Variants in MSRB1 observed in about 807,000 individuals in gnomAD.
MSRB1 encodes methionine sulfoxide reductase B1.
A neutral mutation model predicts 15.2 loss-of-function variants in MSRB1; 13 were observed. The observed-to-expected ratio is 0.86, with a 90% CI of 0.56 to 1.36. MSRB1 has a LOEUF of 1.36. Among genes scored for constraint, MSRB1 ranks in the 40% most tolerant of loss-of-function variants. MSRB1 has a pLI of 0.00. For missense variants in MSRB1, 174 were observed against 155.9 expected (o/e 1.12, Z -0.62); for synonymous variants, 68 against 64.5 (o/e 1.05, Z -0.26).
rs549571660 is a variant in MSRB1 at position 1,940,669 on chromosome 16, T to G, written c.319+109A>C. 7.8e-5 allele frequency: 103 copies of G among 1,328,262 alleles called. 1 individual carries two copies. In the South Asian group the frequency reaches 1.0e-3, roughly 13 times the overall value. The allele number at this position is 1,328,262 out of a possible 1,614,324, so 82.3% of individuals were successfully genotyped here. A position where few individuals can be genotyped will look rare whatever the true frequency, so the allele number is the denominator to read the frequency against. ...TGGACAGTTCCCAGGCAGCGTGACT[T>G]GGTGGCCCCATACCTTGTCATGGTA... is the stretch of plus-strand genomic sequence containing the variant. On this transcript the variant is annotated intron_variant, in intron 3 of 3. Coordinates refer to ENST00000361871, the MANE Select transcript of MSRB1 (RefSeq NM_016332.4).
chr16:1,943,112 G>A lies in MSRB1; in HGVS notation c.45C>T (p.His15=). 6.4e-7 allele frequency: 1 copy of A among 1,560,478 alleles called. No individual in the cohort carries two copies. Among genetic ancestry groups the A allele is most frequent in the Middle Eastern group, 1.7e-4 (1 of 6,006 alleles). Residue 15 remains histidine, a synonymous_variant, in exon 1 of 4, where the codon CAC becomes CAT. Transcript: ENST00000361871. The part of the protein sequence containing the change: ...SFFGGEVFQN[H]FEPGVYVCAK... ...GGCCGCAGGACCAACCAGGTTCAAA[G>A]TGATTCTGGAAAACCTCGCCCCCGA...
chr16:1,940,629 C>A, intron 3 of MSRB1, 149 bp downstream of exon 3: 1 of 1,046,314 alleles, frequency 9.6e-7, no homozygotes. Flanking sequence ...CTGCAGCCAC[C>A]TTTCTGGGGG....
At chr16:1,942,817 C>T (rs570666468) in intron 1 of MSRB1, among the ~76,000 whole-genome samples, 10 of 152,274 alleles carry the variant, frequency 6.6e-5, no homozygotes, top group Admixed American at 3.3e-4. Context: ...CCCCACGTAT[C>T]CCGATCCCTT....
Position 1,941,334 on chromosome 16 carries a change from A to G in MSRB1, c.127T>C (p.Trp43Arg), listed in dbSNP as rs1249439330. ...TGAATGGTCTCGGTGAACGCCGGCC[A>G]TGGAGACGAGTGTGCATACTTCGAG... ...SRSKYAHSSP[W>R]PAFTETIHAD... is the part of the protein sequence containing the mutation. The change falls in exon 2 of 4, where the codon TGG (tryptophan) becomes CGG (arginine). Residue 43 changes from tryptophan (W) to arginine (R), a missense_variant. Trp to Arg is a moderately radical substitution (Grantham distance 101). Coordinates refer to ENST00000361871, the MANE Select transcript of MSRB1 (RefSeq NM_016332.4). The G allele has an allele frequency of 1.3e-6, 2 of 1,596,152 alleles. No homozygotes were observed. Among genetic ancestry groups the G allele is most frequent in the South Asian group, 1.1e-5 (1 of 90,274 alleles).
chr16:1,940,481 C>T (rs1287020381), intron 3 of MSRB1, among the ~76,000 whole-genome samples: 2 of 152,228 alleles, frequency 1.3e-5, no homozygotes, highest in Non-Finnish European at 2.9e-5. Context: ...CTGCCTGCCC[C>T]GCCCCTGACT....
chr16:1,940,796 G>C lies in MSRB1; in HGVS notation c.301C>G (p.Leu101Val). 6.2e-7 allele frequency: 1 copy of C among 1,613,682 alleles called. No individual in the cohort carries two copies. Residue 101 changes from leucine to valine, a missense_variant, in exon 3 of 4, where the codon CTG (leucine) becomes GTG (valine). Leu to Val is a conservative substitution (Grantham distance 32). Transcript: ENST00000361871. ...QSRFUIFSSSLKFVPKGKETS... is the reference protein window; with the variant it reads ...QSRFUIFSSSVKFVPKGKETS... ...AGCTCACCTTTAGGGACAAACTTCA[G>C]CGAGCTGCTGAATATTCAGAATCGG...
chr16:1,940,828 C>G lies in MSRB1; in HGVS notation c.269G>C (p.Gly90Ala). 6.2e-7 allele frequency: 1 copy of G among 1,614,122 alleles called. No homozygotes were observed. The highest frequency in any genetic ancestry group is 1.1e-5 in the South Asian group (1 of 91,086). ...GCTGAATATTCAGAATCGGGACTGC[C>G]CCGGCTTGGGGCCGTCGTTCAGGAA... Reference protein sequence around the residue: ...HEFLNDGPKPGQSRFUIFSSS... With the variant: ...HEFLNDGPKPAQSRFUIFSSS... Residue 90 changes from glycine (G) to alanine (A), a missense_variant, in exon 3 of 4, where the codon GGG (glycine) becomes GCG (alanine). Gly to Ala is a moderately conservative substitution (Grantham distance 60). Transcript: ENST00000361871.
rs1418681860 is a variant in MSRB1, at chr16:1,940,984, C to T, written c.205-92G>A. On this transcript the variant is annotated intron_variant, in intron 2 of 3. Coordinates refer to ENST00000361871, the MANE Select transcript of MSRB1 (RefSeq NM_016332.4). ...TGGGGCTGGCAGATGGTGTTTCTTC[C>T]CACACGCCTATTTCCCAAGCTGACC... The T allele has an allele frequency of 1.9e-6, 3 of 1,584,360 alleles. No homozygotes were observed. In the Admixed American group the frequency reaches 5.5e-5, roughly 29 times the overall value.
chr16:1,942,308 G>A (rs539951381), intron 1 of MSRB1, among the ~76,000 whole-genome samples: 3 of 152,346 alleles, frequency 2.0e-5, no homozygotes, highest in Admixed American at 6.5e-5. Flanking sequence ...AGCCCAACCC[G>A]CTACAGGGGT....
At chr16:1,941,220 C>G in intron 2 of MSRB1, 37 bp downstream of exon 2, 1 of 1,611,028 alleles carries the variant, frequency 6.2e-7, no homozygotes, top group Non-Finnish European at 8.5e-7. Flanking sequence ...CTCTCCCTGG[C>G]CGCCCCCGTC....
intron 3 of MSRB1, 71 bp from the exon 4 acceptor site, chr16:1,939,214 G>T: frequency 6.5e-7 from 1 of 1,527,904 alleles, no homozygotes; most frequent in Non-Finnish European, 8.8e-7. Flanking sequence ...GCCGGGCGCG[G>T]GGGCGGTGGA....
intron 1 of MSRB1, among the ~76,000 whole-genome samples, chr16:1,942,172 CAA>C (rs1340072317): frequency 1.3e-5 from 2 of 152,294 alleles, no homozygotes; most frequent in Admixed American, 6.5e-5. Context: ...GAGAAAAAAG[CAA>C]AGAGAAGCCA....
rs746129774 is a variant in MSRB1, at chr16:1,939,098, T to G, written c.*14A>C. On this transcript the variant is annotated 3_prime_UTR_variant, in exon 4 of 4. Transcript: ENST00000361871. Reference sequence around the variant, plus strand: ...CAGTGTGGTGGCCGTCTGGGGTGGGTGTGGGCTGCCCGCCTAGTGACCCTG... The same window carrying G: ...CAGTGTGGTGGCCGTCTGGGGTGGGGGTGGGCTGCCCGCCTAGTGACCCTG... 92 of 1,611,838 alleles carry G rather than the reference T, an allele frequency of 5.7e-5. No individual in the cohort carries two copies. Among genetic ancestry groups the G allele is most frequent in the Non-Finnish European group, 7.8e-5 (92 of 1,179,382 alleles).
Position 1,939,081 on chromosome 16 carries a change from T to C in MSRB1, c.*31A>G, listed in dbSNP as rs1372309348. ...TGGCCAACGTGTGGCCTCAGTGTGG[T>C]GGCCGTCTGGGGTGGGTGTGGGCTG... On this transcript the variant is annotated 3_prime_UTR_variant, in exon 4 of 4. Coordinates refer to ENST00000361871, the MANE Select transcript of MSRB1 (RefSeq NM_016332.4). The C allele has an allele frequency of 4.3e-6, 7 of 1,612,414 alleles. No homozygotes were observed. The highest frequency in any genetic ancestry group is 2.7e-5 in the African/African-American group (2 of 74,826).
chr16:1,941,293 G>A lies in MSRB1; in HGVS notation c.168C>T (p.Ala56=). The change falls in exon 2 of 4, where the codon GCC becomes GCT. Residue 56 remains alanine (A), a synonymous_variant. Coordinates refer to ENST00000361871, the MANE Select transcript of MSRB1 (RefSeq NM_016332.4). ...CAGATCTATTGTGCTCCGGACGCTT[G>A]GCCACGCTGTCGGCGTGAATGGTCT... ...FTETIHADSV[A]KRPEHNRSEA... The A allele has an allele frequency of 1.2e-6, 2 of 1,613,300 alleles. No individual in the cohort carries two copies. Among genetic ancestry groups the A allele is most frequent in the Non-Finnish European group, 1.7e-6 (2 of 1,179,916 alleles).
At position 1,938,634 on chromosome 16, in the gene MSRB1, G is replaced by A. The variant is rs762115971; in HGVS notation, c.*478C>T. The A allele has an allele frequency of 1.0e-4, 22 of 210,038 alleles. No individual in the cohort carries two copies. Among genetic ancestry groups the A allele is most frequent in the Non-Finnish European group, 2.2e-4 (22 of 101,946 alleles). 13.0% of individuals were successfully genotyped at this position (210,038 alleles called of 1,614,324 possible). ...ACCAGAGCGGATCATGCAGTGACCA[G>A]GGCCAGGGCGGCTGGCAGGGGCGGC... On this transcript the variant is annotated 3_prime_UTR_variant, in exon 4 of 4. Coordinates refer to ENST00000361871, the MANE Select transcript of MSRB1 (RefSeq NM_016332.4).
Position 1,941,389 on chromosome 16 carries a change from G to A in MSRB1, c.72C>T (p.Ala24=). Residue 24 remains alanine (A), a synonymous_variant, in exon 2 of 4, where the codon GCC becomes GCT. Coordinates refer to ENST00000361871, the MANE Select transcript of MSRB1 (RefSeq NM_016332.4). ...TGGAGAACAGCTCATAGCCACACTT[G>A]GCACACACGTAAACGCCTGTGGTGG... ...NHFEPGVYVC[A]KCGYELFSSR... The A allele has an allele frequency of 6.2e-7, 1 of 1,613,168 alleles. No homozygotes were observed. Among genetic ancestry groups the A allele is most frequent in the South Asian group, 1.1e-5 (1 of 90,926 alleles).
intron 2 of MSRB1, 159 bp from the exon 3 acceptor site, chr16:1,941,051 G>A (rs866172083): frequency 5.2e-6 from 8 of 1,551,596 alleles, no homozygotes; most frequent in Non-Finnish European, 6.1e-6. Context: ...GCCCGTACAG[G>A]AAACCTGTCC....
At chr16:1,939,237 G>T (rs1337651179) in intron 3 of MSRB1, 94 bp from the exon 4 acceptor site, 3 of 1,383,760 alleles carry the variant, frequency 2.2e-6, no homozygotes, top group East Asian at 4.7e-5. Flanking sequence ...GCCAGGGTAG[G>T]GGCAGAAAGC....
Sources: allele counts gnomAD v4.1 joint callset (sites outside exome capture counted in the v4.1 genomes callset), GRCh38; gene constraint gnomAD v4.1.1; transcripts MANE v1.5; gene names NCBI Gene and HGNC (gene_info 2026-07-23, HGNC 2026-07-21).